CAMTA1: variants seen among roughly 807,000 people sequenced by gnomAD.
CAMTA1 encodes the protein calmodulin binding transcription activator 1, also known as calmodulin-binding transcription activator 1.
In CAMTA1, 27 loss-of-function variants were observed where a neutral mutation model predicts 170.9. The ratio of observed to expected loss-of-function variants is 0.16; its 90% CI spans 0.12 to 0.22. The LOEUF is 0.22. Among genes scored for constraint, CAMTA1 ranks in the 10% least tolerant of loss-of-function variants. CAMTA1 has a pLI of 1.00. For synonymous variants in CAMTA1, 833 were observed against 891.5 expected (o/e 0.93, Z 1.17); for missense variants, 1,619 against 2,217.2 (o/e 0.73, Z 5.42).
intron 6 of CAMTA1, among the ~76,000 whole-genome samples, chr1:7,548,479 TGG>T (rs2094734722): frequency 1.0e-5 from 1 of 99,498 alleles, no homozygotes; most frequent in Non-Finnish European, 2.0e-5. Context: ...GTGGAGGTGC[TGG>T]TGGAGGGTGC....
At chr1:7,394,781 A>G (rs56111293) in intron 5 of CAMTA1, among the ~76,000 whole-genome samples, 1 of 150,606 alleles carries the variant, frequency 6.6e-6, no homozygotes, top group Non-Finnish European at 1.5e-5. Flanking sequence ...GACCAATATC[A>G]TGAAGCATTT....
At chr1:7,755,538 C>G in intron 21 of CAMTA1, 100 bp from the exon 22 acceptor site, 1 of 924,922 alleles carries the variant, frequency 1.1e-6, no homozygotes, top group South Asian at 1.4e-5. Flanking sequence ...AAAAAAGAAA[C>G]CATGTTATAT....
chr1:7,419,143 C>T (rs2149303896), intron 5 of CAMTA1, among the ~76,000 whole-genome samples: 1 of 152,274 alleles, frequency 6.6e-6, no homozygotes, highest in Non-Finnish European at 1.5e-5. Context: ...CGAACTTCTT[C>T]TTCTTTTTAT....
chr1:7,278,404 G>T (rs1671042477), intron 5 of CAMTA1, among the ~76,000 whole-genome samples: 1 of 152,182 alleles, frequency 6.6e-6, no homozygotes, highest in South Asian at 2.1e-4. Context: ...TCAGAGTTCT[G>T]TAGTAAGTTT....
chr1:7,391,098 A>T (rs1048360691), intron 5 of CAMTA1, among the ~76,000 whole-genome samples: 1 of 152,078 alleles, frequency 6.6e-6, no homozygotes, highest in South Asian at 2.1e-4. Flanking sequence ...CCCAGGTTCA[A>T]GTGATTCTCC....
At chr1:7,155,783 T>C (rs1264642580) in intron 4 of CAMTA1, among the ~76,000 whole-genome samples, 1 of 152,134 alleles carries the variant, frequency 6.6e-6, no homozygotes, top group African/African-American at 2.4e-5. Context: ...CCCTTCTCTA[T>C]GCCTCATGGT....
At chr1:6,833,284 T>G (rs1651263777) in intron 3 of CAMTA1, among the ~76,000 whole-genome samples, 1 of 152,244 alleles carries the variant, frequency 6.6e-6, no homozygotes, top group Non-Finnish European at 1.5e-5. Context: ...CTTCAGCATG[T>G]GGCACTTAAC....
intron 3 of CAMTA1, among the ~76,000 whole-genome samples, chr1:6,909,684 G>C (rs1351092563): frequency 6.6e-6 from 1 of 152,230 alleles, no homozygotes; most frequent in African/African-American, 2.4e-5. Context: ...GAGCAGGTGG[G>C]GTGACCCACA....
At chr1:7,539,656 A>C (rs1418450921) in intron 6 of CAMTA1, among the ~76,000 whole-genome samples, 1 of 152,208 alleles carries the variant, frequency 6.6e-6, no homozygotes, top group African/African-American at 2.4e-5. Context: ...TCCACTTAGG[A>C]TGCTATCGTT....
At chr1:7,707,982 G>A (rs1484722966) in intron 11 of CAMTA1, among the ~76,000 whole-genome samples, 1 of 152,160 alleles carries the variant, frequency 6.6e-6, no homozygotes, top group African/African-American at 2.4e-5. Flanking sequence ...TCACCCCACA[G>A]GCAGTACAGC....
At chr1:7,701,758 G>T (rs1360431262) in intron 11 of CAMTA1, among the ~76,000 whole-genome samples, 2 of 151,918 alleles carry the variant, frequency 1.3e-5, no homozygotes, top group African/African-American at 4.8e-5. Flanking sequence ...ACTTAACCTT[G>T]GTACTGCCAA....
At chr1:7,187,500 A>T (rs1048545787) in intron 4 of CAMTA1, among the ~76,000 whole-genome samples, 2 of 152,208 alleles carry the variant, frequency 1.3e-5, no homozygotes, top group South Asian at 2.1e-4. Flanking sequence ...TTAAATTTTT[A>T]AAAACTGGAT....
chr1:7,672,374 TCCCACCAC>T lies in CAMTA1; in HGVS notation c.2779+1340_2779+1347del, dbSNP rs1018314841. Among the ~76,000 whole-genome samples the T allele has an allele frequency of 3.5e-4, 53 of 152,134 alleles. No individual in the cohort carries two copies. The Middle Eastern group carries it at 0.01, about 29-fold the overall frequency. Reference sequence around the variant, plus strand: ...ATGCCCCCAGGCTGGGCCAGCTGAGTCCCACCACCCATTTCTCCTTTTCTCCTTCTCTC... The same window carrying T: ...ATGCCCCCAGGCTGGGCCAGCTGAGTCCATTTCTCCTTTTCTCCTTCTCTC... On this transcript the variant is annotated intron_variant, in intron 10 of 22. Coordinates refer to ENST00000303635, the MANE Select transcript of CAMTA1 (RefSeq NM_015215.4).
At chr1:6,798,285 G>A (rs1643033909) in intron 1 of CAMTA1, among the ~76,000 whole-genome samples, 1 of 151,970 alleles carries the variant, frequency 6.6e-6, no homozygotes, top group African/African-American at 2.4e-5. Flanking sequence ...ACCGCACCCA[G>A]CCTAAAAAAG....
rs896467279 is a variant in CAMTA1, at chr1:7,698,080, C to A, written c.2914+20347C>A. On this transcript the variant is annotated intron_variant, in intron 11 of 22. Transcript: ENST00000303635. ...ATGCTGGCCACGCACTGTGACCCCCCCCCCCCCCACCAACATGGCCTTAGA... is the reference window on the plus strand; with the variant it reads ...ATGCTGGCCACGCACTGTGACCCCCACCCCCCCCACCAACATGGCCTTAGA... Among the ~76,000 whole-genome samples, 37 of 139,860 alleles carry A rather than the reference C, an allele frequency of 2.6e-4. 1 individual carries two copies. Among genetic ancestry groups the A allele is most frequent in the Admixed American group, 1.9e-3 (27 of 14,338 alleles). 91.8% of individuals were successfully genotyped at this position (139,860 alleles called of 152,430 possible). A position where few individuals can be genotyped will look rare whatever the true frequency, so the allele number is the denominator to read the frequency against.
Position 7,766,635 on chromosome 1 carries a change from G to A in CAMTA1, c.*144G>A. 1 of 658,584 alleles carries A rather than the reference G, an allele frequency of 1.5e-6. No homozygotes were observed. The highest frequency in any genetic ancestry group is 2.6e-6 in the Non-Finnish European group (1 of 382,424). The allele number at this position is 658,584 out of a possible 1,614,324, so 40.8% of individuals were successfully genotyped here. A position where few individuals can be genotyped will look rare whatever the true frequency, so the allele number is the denominator to read the frequency against. On this transcript the variant is annotated 3_prime_UTR_variant, in exon 23 of 23. Transcript: ENST00000303635. ...CACACACATACAAAATCCCTCTGCA[G>A]TTTTGGGGAGATCAGCTGCAGGATT...
At chr1:7,304,982 C>T (rs1381453916) in intron 5 of CAMTA1, among the ~76,000 whole-genome samples, 1 of 151,670 alleles carries the variant, frequency 6.6e-6, no homozygotes, top group Non-Finnish European at 1.5e-5. Context: ...TTATTTTTTT[C>T]TTAATTTAAA....
At chr1:7,699,297 A>G (rs1386813555) in intron 11 of CAMTA1, among the ~76,000 whole-genome samples, 2 of 151,104 alleles carry the variant, frequency 1.3e-5, no homozygotes, top group Non-Finnish European at 2.9e-5. Flanking sequence ...GCTCCCCCCC[A>G]CCACCCTCCC....
At chr1:7,564,095 C>T (rs182882107) in intron 6 of CAMTA1, among the ~76,000 whole-genome samples, 41 of 152,308 alleles carry the variant, frequency 2.7e-4, no homozygotes, top group Admixed American at 9.1e-4. Context: ...CCAGAAACAT[C>T]GTTCTAGGTG....
Sources: gnomAD v4.1 joint callset for allele counts (sites outside exome capture counted in the v4.1 genomes callset) on GRCh38, gnomAD v4.1.1 for gene constraint, MANE v1.5 for transcripts, NCBI Gene and HGNC (gene_info 2026-07-23, HGNC 2026-07-21) for gene names.